The following ACACA variants were observed in gnomAD, a reference collection of about 807,000 sequenced individuals.
The protein encoded by ACACA is acetyl-CoA carboxylase 1.
In ACACA, 103 loss-of-function variants were observed where a neutral mutation model predicts 296.1. The ratio of observed to expected loss-of-function variants is 0.35; its 90% CI spans 0.30 to 0.41. ACACA has a LOEUF of 0.41. ACACA is among the 10% of genes least tolerant of loss of function. ACACA has a pLI of 1.00. For synonymous variants in ACACA, 953 were observed against 1,038.6 expected (o/e 0.92, Z 1.58); for missense variants, 1,554 against 2,989.7 (o/e 0.52, Z 11.20).
At chr17:37,282,597 G>A (rs2082589934) in intron 5 of ACACA, among the ~76,000 whole-genome samples, 1 of 152,068 alleles carries the variant, frequency 6.6e-6, no homozygotes, top group Non-Finnish European at 1.5e-5. Context: ...TAAAAGGATA[G>A]CTCTTTTTCG....
Position 37,303,866 on chromosome 17 carries a change from G to A in ACACA, c.339-18896C>T, listed in dbSNP as rs115149966. 7.1e-3 allele frequency among the ~76,000 whole-genome samples: 1,082 copies of A among 152,214 alleles called. 5 individuals carry two copies. The highest frequency in any genetic ancestry group is 0.023 in the African/African-American group (946 of 41,570). On this transcript the variant is annotated intron_variant, in intron 3 of 55. Coordinates refer to ENST00000616317, the MANE Select transcript of ACACA (RefSeq NM_198834.3). ...GAGCGAGACTCCGTCTCAAAAAAAAGAAAGTGTCAAATTATTTTCCAGAGT... is the reference window on the plus strand; with the variant it reads ...GAGCGAGACTCCGTCTCAAAAAAAAAAAAGTGTCAAATTATTTTCCAGAGT...
chr17:37,218,577 A>G (rs1407958674), intron 29 of ACACA, among the ~76,000 whole-genome samples: 1 of 152,218 alleles, frequency 6.6e-6, no homozygotes, highest in Admixed American at 6.5e-5. Context: ...CAAAGTGGTC[A>G]CCTGGACTCT....
chr17:37,373,490 C>T (rs1323492149), intron 1 of ACACA, among the ~76,000 whole-genome samples: 1 of 152,148 alleles, frequency 6.6e-6, no homozygotes, highest in Non-Finnish European at 1.5e-5. Flanking sequence ...CAAGTGTCCA[C>T]CCGCCTTGGC....
chr17:37,116,189 C>CGCTGCCCAG (rs1436843306), intron 50 of ACACA, among the ~76,000 whole-genome samples: 1 of 152,102 alleles, frequency 6.6e-6, no homozygotes, highest in Non-Finnish European at 1.5e-5. Flanking sequence ...GACGGGGTTT[C>CGCTGCCCAG]ACCACGTTGC....
chr17:37,206,681 G>A (rs982344508), intron 32 of ACACA, 102 bp downstream of exon 32: 5 of 968,976 alleles, frequency 5.2e-6, no homozygotes, highest in Non-Finnish European at 8.1e-6. Flanking sequence ...GGGGTAAAAG[G>A]ATGAATTCTT....
Position 37,150,049 on chromosome 17 carries a change from G to A in ACACA, c.5569-75C>T, listed in dbSNP as rs554812845. The A allele has an allele frequency of 5.3e-6, 7 of 1,324,864 alleles. No homozygotes were observed. The African/African-American group carries it at 1.0e-4, about 19-fold the overall frequency. 82.1% of individuals were successfully genotyped at this position (1,324,864 alleles called of 1,614,324 possible). A position where few individuals can be genotyped will look rare whatever the true frequency, so the allele number is the denominator to read the frequency against. The stretch of plus-strand genomic sequence containing the variant: ...GCTATAAGAACTAAGGCATAGATAA[G>A]TAAAATCCAAATTAACAGAAATAAA... On this transcript the variant is annotated intron_variant, in intron 44 of 55. Transcript: ENST00000616317.
intron 1 of ACACA, among the ~76,000 whole-genome samples, chr17:37,373,479 T>G (rs904555809): frequency 6.6e-6 from 1 of 152,028 alleles, no homozygotes; most frequent in African/African-American, 2.4e-5. Flanking sequence ...ACTCCTGACC[T>G]CAAGTGTCCA....
chr17:37,360,683 ATAAGT>A (rs143552395), intron 1 of ACACA, among the ~76,000 whole-genome samples: 11,191 of 152,230 alleles, frequency 0.074, 535 homozygotes, highest in East Asian at 0.18. Context: ...CTCTAAATAA[ATAAGT>A]TAATTAAATA....
At chr17:37,182,755 T>C (rs938323441) in intron 39 of ACACA, among the ~76,000 whole-genome samples, 2 of 152,210 alleles carry the variant, frequency 1.3e-5, no homozygotes, top group African/African-American at 4.8e-5. Context: ...ATGAATAGAT[T>C]GTGGACCTGA....
intron 3 of ACACA, among the ~76,000 whole-genome samples, chr17:37,286,133 G>A (rs747261527): frequency 1.3e-5 from 2 of 152,046 alleles, no homozygotes; most frequent in Non-Finnish European, 2.9e-5. Context: ...CAGGTGATCC[G>A]CCCACCTCGG....
chr17:37,264,619 CT>C (rs1210854687), intron 10 of ACACA, among the ~76,000 whole-genome samples: 1 of 152,100 alleles, frequency 6.6e-6, no homozygotes, highest in African/African-American at 2.4e-5. Context: ...TCCTTGGTAT[CT>C]TTTATCTGTT....
chr17:37,225,142 G>C (rs747014539), intron 26 of ACACA, 37 bp from the exon 27 acceptor site: 16 of 1,257,346 alleles, frequency 1.3e-5, no homozygotes, highest in Admixed American at 3.4e-5. Context: ...CACATTCCTC[G>C]GAGTGATTAT....
intron 41 of ACACA, among the ~76,000 whole-genome samples, chr17:37,176,076 T>C (rs2077102371): frequency 6.6e-6 from 1 of 152,148 alleles, no homozygotes; most frequent in Admixed American, 6.5e-5. Context: ...CCTTTTTACC[T>C]ATTTACTGTC....
Position 37,391,906 on chromosome 17 carries a change from G to A in ACACA, c.38+14356C>T. ...GAGTTACCCTCATGCCCCTATCTGA[G>A]CCACAACCTTCTGTAATTCACTTCA... On this transcript the variant is annotated intron_variant, in intron 1 of 55. Transcript: ENST00000616317. 3 of 604,742 alleles carry A rather than the reference G, an allele frequency of 5.0e-6. No homozygotes were observed. In the East Asian group the frequency reaches 8.2e-5, roughly 16 times the overall value. The allele number at this position is 604,742 out of a possible 1,614,324, so 37.5% of individuals were successfully genotyped here.
rs780009894 is a variant in ACACA, at chr17:37,244,716, T to C, written c.2614A>G (p.Ser872Gly). The C allele has an allele frequency of 6.2e-7, 1 of 1,614,184 alleles. No individual in the cohort carries two copies. Among genetic ancestry groups the C allele is most frequent in the South Asian group, 1.1e-5 (1 of 91,086 alleles). ...KVQQAELHTG[S>G]LPRIQSTALR... is the part of the protein sequence containing the mutation. ...GCCGTGCTCTGGATCCGTGGCAGAC[T>C]ACCTGTGTGAAGTTCAGCCTGTCAA... The change falls in exon 21 of 56, where the codon AGT becomes GGT. Residue 872 changes from serine to glycine, a missense_variant. Around this residue, in one of 16 missense-constraint regions of ACACA, gnomAD observed 316 missense variants for 540.9 expected, o/e 0.58. Coordinates refer to ENST00000616317, the MANE Select transcript of ACACA (RefSeq NM_198834.3).
chr17:37,237,981 G>T (rs1324502658), intron 24 of ACACA, among the ~76,000 whole-genome samples: 1 of 152,030 alleles, frequency 6.6e-6, no homozygotes. Flanking sequence ...GGCTGGTCTC[G>T]AACTCCTGGG....
intron 30 of ACACA, among the ~76,000 whole-genome samples, chr17:37,209,032 C>T (rs1437247299): frequency 1.3e-5 from 2 of 152,202 alleles, no homozygotes; most frequent in Non-Finnish European, 2.9e-5. Context: ...GTGCTGCTCA[C>T]ACAGACTATA....
At chr17:37,218,897 G>A (rs903480552) in intron 29 of ACACA, among the ~76,000 whole-genome samples, 5 of 152,226 alleles carry the variant, frequency 3.3e-5, no homozygotes, top group South Asian at 2.1e-4. Context: ...AAGATGAGCA[G>A]GCCTATTGTA....
intron 15 of ACACA, among the ~76,000 whole-genome samples, chr17:37,252,338 A>G (rs1453287555): frequency 6.6e-6 from 1 of 152,266 alleles, no homozygotes; most frequent in East Asian, 1.9e-4. Flanking sequence ...TCTCCCTAAG[A>G]CTTCCACTTA....
Sources: allele counts gnomAD v4.1 joint callset (sites outside exome capture counted in the v4.1 genomes callset), GRCh38; gene constraint gnomAD v4.1.1; regional missense constraint gnomAD v4.1.1; transcripts MANE v1.5; gene names NCBI Gene and HGNC (gene_info 2026-07-23, HGNC 2026-07-21).